Variants in NF1 observed in about 807,000 individuals in gnomAD.
The protein encoded by NF1 is neurofibromin.
In NF1, 122 loss-of-function variants were observed where a neutral mutation model predicts 325.7. The ratio of observed to expected loss-of-function variants is 0.37; its 90% CI spans 0.32 to 0.44. The LOEUF is 0.44. Ranked by LOEUF, NF1 falls within the 20% of genes least tolerant of loss-of-function variation. The pLI, the probability that NF1 is intolerant of heterozygous loss-of-function variation, is 1.00. For missense variants in NF1, 2,140 were observed against 3,415.4 expected, an observed-to-expected ratio of 0.63 and a Z score of 9.31; for synonymous variants, 1,091 against 1,186.0, an observed-to-expected ratio of 0.92 and a Z score of 1.65.
chr17:31,187,498 C>T lies in NF1; in HGVS notation c.888+4833C>T, dbSNP rs149178019. 7.6e-3 allele frequency among the ~76,000 whole-genome samples: 1,156 copies of T among 152,254 alleles called. 18 individuals carry two copies. The highest frequency in any genetic ancestry group is 0.027 in the African/African-American group (1,113 of 41,546). On this transcript the variant is annotated intron_variant, in intron 8 of 57. Transcript: ENST00000358273. ...GCATGAGCCAATGTGCCTGGCCACACTGGTCTTAACCATGTTCCCAACCAT... is the reference window on the plus strand; with the variant it reads ...GCATGAGCCAATGTGCCTGGCCACATTGGTCTTAACCATGTTCCCAACCAT...
intron 29 of NF1, among the ~76,000 whole-genome samples, chr17:31,246,051 G>A (rs2067384731): frequency 6.6e-6 from 1 of 152,174 alleles, no homozygotes. Flanking sequence ...GGAATCAGGA[G>A]CAGAGACCAA....
At chr17:31,125,870 A>G (rs545029847) in intron 1 of NF1, among the ~76,000 whole-genome samples, 1 of 152,186 alleles carries the variant, frequency 6.6e-6, no homozygotes, top group Non-Finnish European at 1.5e-5. Flanking sequence ...GAATCAGTTG[A>G]CACTCCCAAC....
At chr17:31,223,715 C>A in intron 16 of NF1, 148 bp downstream of exon 16, 1 of 717,008 alleles carries the variant, frequency 1.4e-6, no homozygotes, top group Non-Finnish European at 2.3e-6. Context: ...ATGCAGAGGA[C>A]AATGACTGGC....
intron 36 of NF1, chr17:31,305,453 C>G: frequency 1.2e-6 from 2 of 1,614,116 alleles, no homozygotes; most frequent in Non-Finnish European, 1.7e-6. Context: ...AAAGGATTCC[C>G]TGTTGTGTTT....
chr17:31,240,132 C>T (rs189951441), intron 29 of NF1, among the ~76,000 whole-genome samples: 2 of 152,150 alleles, frequency 1.3e-5, no homozygotes, highest in Admixed American at 6.5e-5. Flanking sequence ...ACAATAAGTT[C>T]TTGTTGACTG....
chr17:31,323,836 T>TC (rs1269375732), intron 36 of NF1, among the ~76,000 whole-genome samples: 2 of 152,178 alleles, frequency 1.3e-5, no homozygotes, highest in Non-Finnish European at 2.9e-5. Context: ...TGTTAATCTC[T>TC]CTCTCTCTCT....
At chr17:31,216,410 T>C (rs2143969639) in intron 13 of NF1, among the ~76,000 whole-genome samples, 1 of 152,366 alleles carries the variant, frequency 6.6e-6, no homozygotes, top group East Asian at 1.9e-4. Context: ...GTTGTAAATA[T>C]TTGACCATTT....
Position 31,325,923 on chromosome 17 carries a change from C to T in NF1, c.4939C>T (p.His1647Tyr), listed in dbSNP as rs2069328243. 6.2e-7 allele frequency: 1 copy of T among 1,614,076 alleles called. No homozygotes were observed. Among genetic ancestry groups the T allele is most frequent in the African/African-American group, 1.3e-5 (1 of 74,920 alleles). The change falls in exon 37 of 58, where the codon CAT (histidine) becomes TAT (tyrosine). Residue 1647 changes from histidine to tyrosine, a missense_variant. Transcript: ENST00000358273. ...KPYEIVVDLT[H>Y]TGPSNRFKTD... is the part of the protein sequence containing the mutation. ...ATATGAAATTGTAGTGGACCTTACCCATACCGGGCCTAGCAATCGCTTTAA... is the reference window on the plus strand; with the variant it reads ...ATATGAAATTGTAGTGGACCTTACCTATACCGGGCCTAGCAATCGCTTTAA...
Position 31,310,923 on chromosome 17 carries a change from C to T in NF1, c.4836-14897C>T, listed in dbSNP as rs77829640. Among the ~76,000 whole-genome samples the T allele has an allele frequency of 8.2e-4, 124 of 150,676 alleles. 3 individuals are homozygous for T. In the East Asian group the frequency reaches 0.023, roughly 28 times the overall value. On this transcript the variant is annotated intron_variant, in intron 36 of 57. Transcript: ENST00000358273. ...ACAGTTACAGTGAAGCAGGAGTCCC[C>T]GTGTATAAGACATGTTCTTTTTTTT...
chr17:31,260,992 C>G (rs1360790577), intron 34 of NF1, among the ~76,000 whole-genome samples: 1 of 152,160 alleles, frequency 6.6e-6, no homozygotes, highest in Non-Finnish European at 1.5e-5. Context: ...CCTATAATCT[C>G]AGCACTTTGG....
intron 1 of NF1, among the ~76,000 whole-genome samples, chr17:31,120,662 G>C (rs1914345685): frequency 6.6e-6 from 1 of 151,994 alleles, no homozygotes. Context: ...AGTGGTGAGA[G>C]AAGGCATCCT....
intron 36 of NF1, chr17:31,307,989 T>C: frequency 8.6e-7 from 1 of 1,157,752 alleles, no homozygotes; most frequent in Non-Finnish European, 1.1e-6. Flanking sequence ...GATATGTGAT[T>C]TTTTTCCCTA....
intron 1 of NF1, among the ~76,000 whole-genome samples, chr17:31,111,827 C>T (rs1019080015): frequency 1.3e-5 from 2 of 152,152 alleles, no homozygotes; most frequent in Non-Finnish European, 1.5e-5. Context: ...AGCACACACT[C>T]GGGTAAGTGT....
chr17:31,253,039 A>T (rs1363246558), intron 31 of NF1, 39 bp downstream of exon 31: 1 of 1,520,558 alleles, frequency 6.6e-7, no homozygotes, highest in Non-Finnish European at 9.1e-7. Flanking sequence ...TTTCTTTCAA[A>T]GCAAAACAAA....
At position 31,330,454 on chromosome 17, in the gene NF1, C is replaced by T. The variant is rs786203824; in HGVS notation, c.5768C>T (p.Thr1923Met). The change falls in exon 39 of 58, where the codon ACG (threonine) becomes ATG (methionine). Residue 1923 changes from threonine to methionine, a missense_variant. Coordinates refer to ENST00000358273, the MANE Select transcript of NF1 (RefSeq NM_001042492.3). ...CTGGCAGCCAATGAGCCACACCTCA[C>T]GTTAGAATTTTTGGAAGAGTGTATT... The part of the protein sequence containing the change: ...KTLAANEPHL[T>M]LEFLEECISG... 2.5e-6 allele frequency: 4 copies of T among 1,613,624 alleles called. No homozygotes were observed. Among genetic ancestry groups the T allele is most frequent in the Admixed American group, 1.7e-5 (1 of 59,980 alleles).
At chr17:31,339,963 A>G (rs1282904050) in intron 46 of NF1, among the ~76,000 whole-genome samples, 1 of 152,188 alleles carries the variant, frequency 6.6e-6, no homozygotes, top group African/African-American at 2.4e-5. Context: ...AAGCTTTTCA[A>G]AGGAATCGAG....
chr17:31,133,147 C>T (rs538720118), intron 1 of NF1: 1 of 152,200 alleles, frequency 6.6e-6, no homozygotes, highest in South Asian at 2.1e-4. Context: ...CTTCCCATTC[C>T]TCCATGTTCC....
intron 27 of NF1, among the ~76,000 whole-genome samples, chr17:31,234,592 T>C (rs9905132): frequency 0.45 from 65,880 of 146,500 alleles, 17,173 homozygotes; most frequent in African/African-American, 0.73. Context: ...AGGAGAATGG[T>C]GTGAACCCAG....
intron 36 of NF1, among the ~76,000 whole-genome samples, chr17:31,282,968 T>C (rs2068150491): frequency 6.6e-6 from 1 of 152,202 alleles, no homozygotes; most frequent in Non-Finnish European, 1.5e-5. Context: ...AAATCCCTCC[T>C]TTTCTAAACC....
Sources: allele counts gnomAD v4.1 joint callset (sites outside exome capture counted in the v4.1 genomes callset), GRCh38; gene constraint gnomAD v4.1.1; transcripts MANE v1.5; gene names NCBI Gene and HGNC (gene_info 2026-07-23, HGNC 2026-07-21).